The following THTPA variants were observed in gnomAD, a reference collection of about 807,000 sequenced individuals.
The protein encoded by THTPA is thiamine-triphosphatase.
THTPA carries 16 observed loss-of-function variants against 16.5 expected under a neutral mutation model. The ratio of observed to expected loss-of-function variants is 0.97; its 90% confidence interval spans 0.66 to 1.47. The LOEUF (loss-of-function observed/expected upper bound fraction) is 1.47. THTPA is among the 40% of genes most tolerant of loss of function. The probability of loss-of-function intolerance (pLI) is 0.00; values close to 1 mark genes in which losing one functional copy is unlikely to be tolerated. For synonymous variants in THTPA, 110 were observed against 115.5 expected (o/e 0.95, Z 0.30); for missense variants, 281 against 280.9 (o/e 1.00, Z 0.00).
the THTPA span, among the ~76,000 whole-genome samples, chr14:23,548,861 G>A: frequency 6.6e-6 from 1 of 152,136 alleles, no homozygotes; most frequent in South Asian, 2.1e-4. Flanking sequence ...CCCCCGCAGT[G>A]CTCTCGCTCT....
the THTPA span, chr14:23,534,129 C>T: frequency 1.3e-5 from 19 of 1,479,744 alleles, no homozygotes; most frequent in Middle Eastern, 1.8e-4. This position sits in a 1 kb window ranked among gnomAD's most constrained non-coding sequence, Gnocchi z 4.5. Flanking sequence ...GGAGAGTGCC[C>T]CCCTCCTTGG....
Position 23,557,240 on chromosome 14 carries a change from G to T in THTPA, c.483G>T (p.Leu161=). The T allele has an allele frequency of 6.2e-7, 1 of 1,612,788 alleles. No individual in the cohort carries two copies. The highest frequency in any genetic ancestry group is 8.5e-7 in the Non-Finnish European group (1 of 1,179,932). The change falls in exon 1 of 2, where the codon CTG becomes CTT. Residue 161 remains leucine, a synonymous_variant. Transcript: ENST00000288014. ...FGYAVGEVEA[L]VHEEAEVPTA... is the part of the protein sequence containing the mutation. The stretch of plus-strand genomic sequence containing the variant: ...ACGCTGTGGGTGAGGTAGAGGCCCT[G>T]GTGCATGAGGAGGCTGAAGTACCAA...
chr14:23,526,887 A>G, the THTPA span: 9 of 1,533,830 alleles, frequency 5.9e-6, no homozygotes, highest in Non-Finnish European at 7.9e-6. Flanking sequence ...CTGGCCCATG[A>G]GTGGGGGGTT....
Position 23,560,136 on chromosome 14 carries a change from A to G in THTPA, c.*1296A>G. 6.9e-7 allele frequency: 1 copy of G among 1,448,734 alleles called. No individual in the cohort carries two copies. The highest frequency in any genetic ancestry group is 9.5e-7 in the Non-Finnish European group (1 of 1,051,626). The allele number at this position is 1,448,734 out of a possible 1,614,324, so 89.7% of individuals were successfully genotyped here. On this transcript the variant is annotated 3_prime_UTR_variant, in exon 2 of 2. Transcript: ENST00000288014. ...CCACACCCTTTTCCTGTAACTCCCCAAGTGCTGATCTCCAGATGACTCAAT... is the reference window on the plus strand; with the variant it reads ...CCACACCCTTTTCCTGTAACTCCCCGAGTGCTGATCTCCAGATGACTCAAT...
At chr14:23,554,927 C>A (rs1882238760), upstream of THTPA, among the ~76,000 whole-genome samples, 1 of 152,110 alleles carries the variant, frequency 6.6e-6, no homozygotes, top group South Asian at 2.1e-4. Flanking sequence ...AAGAAGGAAT[C>A]ATCTCTATTA....
At chr14:23,536,931 A>G in the THTPA span, among the ~76,000 whole-genome samples, 1 of 152,194 alleles carries the variant, frequency 6.6e-6, no homozygotes, top group African/African-American at 2.4e-5. Context: ...TGAGGTCAGG[A>G]GTTTGAGACT....
At chr14:23,512,567 G>A in the THTPA span, among the ~76,000 whole-genome samples, 2 of 137,170 alleles carry the variant, frequency 1.5e-5, no homozygotes, top group African/African-American at 2.8e-5. Flanking sequence ...CTCCTCCCTG[G>A]CATGGGATTC....
the THTPA span, among the ~76,000 whole-genome samples, chr14:23,540,666 A>G: frequency 6.6e-6 from 1 of 152,222 alleles, no homozygotes; most frequent in Non-Finnish European, 1.5e-5. Flanking sequence ...ATCACTCACT[A>G]GCTGTGCAAC....
the THTPA span, chr14:23,533,441 G>T: frequency 1.3e-6 from 2 of 1,531,664 alleles, no homozygotes; most frequent in Admixed American, 2.0e-5. This position sits in a 1 kb window ranked among gnomAD's most constrained non-coding sequence, Gnocchi z 4.8. Context: ...AAGAGTTCAG[G>T]GGGGCTAGTG....
the THTPA span, chr14:23,523,951 A>G: frequency 6.5e-7 from 1 of 1,535,134 alleles, no homozygotes; most frequent in East Asian, 2.4e-5. This position sits in a 1 kb window ranked among gnomAD's most constrained non-coding sequence, Gnocchi z 4.1. Flanking sequence ...GAGGTAGGAG[A>G]GGTAGAGGTG....
chr14:23,533,656 G>T, the THTPA span: 1 of 1,537,288 alleles, frequency 6.5e-7, no homozygotes, highest in East Asian at 2.4e-5. This position sits in a 1 kb window ranked among gnomAD's most constrained non-coding sequence, Gnocchi z 4.8. Context: ...GTCTCCCGCG[G>T]AGGGTGGGAG....
the THTPA span, chr14:23,526,951 A>G: frequency 6.6e-7 from 1 of 1,525,094 alleles, no homozygotes; most frequent in Non-Finnish European, 8.7e-7. Flanking sequence ...TTTGGTTGTA[A>G]ATGTCATTTC....
At position 23,556,969 on chromosome 14, in the gene THTPA, G is replaced by T. The variant is rs773544754; in HGVS notation, c.212G>T (p.Gly71Val). The change falls in exon 1 of 2, where the codon GGT becomes GTT. Residue 71 changes from glycine (G) to valine (V), a missense_variant. Gly to Val is a moderately radical substitution (Grantham distance 109). Coordinates refer to ENST00000288014, the MANE Select transcript of THTPA (RefSeq NM_024328.6). ...GAGCTCAAATGTCCTGGAGCAGCAG[G>T]TGTCTTAGGACCCCACACGGAGTAT... ...GWELKCPGAA[G>V]VLGPHTEYKE... 100 of 1,614,082 alleles carry T rather than the reference G, an allele frequency of 6.2e-5. No individual in the cohort carries two copies. The highest frequency in any genetic ancestry group is 8.2e-5 in the Non-Finnish European group (97 of 1,180,042).
At chr14:23,531,763 A>G in the THTPA span, 7 of 1,286,240 alleles carry the variant, frequency 5.4e-6, no homozygotes, top group Non-Finnish European at 5.9e-6. Flanking sequence ...CAGAAGGGAC[A>G]TGCCAGACCT....
chr14:23,554,095 C>A (rs376836831), upstream of THTPA, among the ~76,000 whole-genome samples: 3 of 146,288 alleles, frequency 2.1e-5, no homozygotes, highest in Non-Finnish European at 4.5e-5. Flanking sequence ...GAGTAGCTTG[C>A]GGAAGGCCAA....
the THTPA span, chr14:23,514,344 G>A: frequency 6.5e-6 from 1 of 152,822 alleles, no homozygotes; most frequent in African/African-American, 2.4e-5. Flanking sequence ...AAGGAAGAAG[G>A]ATGGAAAGCG....
the THTPA span, chr14:23,528,574 C>T: frequency 4.1e-6 from 4 of 982,644 alleles, no homozygotes; most frequent in Non-Finnish European, 4.8e-6. Flanking sequence ...CCCAGAGGCT[C>T]CCTTGTCCCT....
chr14:23,532,438 C>T, the THTPA span: 1 of 1,155,210 alleles, frequency 8.7e-7, no homozygotes, highest in Non-Finnish European at 1.2e-6. Context: ...TATGTCATTA[C>T]CTGGTGCATA....
At chr14:23,549,650 T>TG in the THTPA span, among the ~76,000 whole-genome samples, 3 of 152,170 alleles carry the variant, frequency 2.0e-5, no homozygotes, top group East Asian at 1.9e-4. Context: ...AACTGAAGGA[T>TG]GGGGGGCAAC....
Sources: gnomAD v4.1 joint callset for allele counts (sites outside exome capture counted in the v4.1 genomes callset) on GRCh38, gnomAD v4.1.1 for gene constraint, Gnocchi (gnomAD v3.1) non-coding constraint, MANE v1.5 for transcripts, NCBI Gene and HGNC (gene_info 2026-07-23, HGNC 2026-07-21) for gene names.